LPP: variants seen among roughly 807,000 people sequenced by gnomAD.
LPP encodes the protein lipoma-preferred partner.
A neutral mutation model predicts 60.4 loss-of-function variants in LPP; 38 were observed. The observed-to-expected ratio is 0.63, with a 90% confidence interval of 0.49 to 0.83. The LOEUF (loss-of-function observed/expected upper bound fraction) is 0.83, where lower values mean the gene tolerates loss of function less well. LPP is among the 40% of genes least tolerant of loss of function. LPP has a pLI of 0.00. For synonymous variants in LPP, 328 were observed against 290.8 expected (o/e 1.13, Z -1.30); for missense variants, 902 against 783.6 (o/e 1.15, Z -1.80).
At chr3:188,397,135 CT>C (rs1781141711) in intron 3 of LPP, among the ~76,000 whole-genome samples, 1 of 152,176 alleles carries the variant, frequency 6.6e-6, no homozygotes, top group Non-Finnish European at 1.5e-5. Context: ...CCTACCCCAT[CT>C]AGTTATAATC....
intron 1 of LPP, among the ~76,000 whole-genome samples, chr3:188,203,681 A>G (rs1000706091): frequency 2.6e-4 from 37 of 144,144 alleles, no homozygotes; most frequent in African/African-American, 8.8e-4. Flanking sequence ...AGATCTCGCT[A>G]TGTTGCCCAG....
At chr3:188,689,917 A>AT (rs35411155) in intron 7 of LPP, among the ~76,000 whole-genome samples, 57,719 of 147,574 alleles carry the variant, frequency 0.39, 11,304 homozygotes, top group Non-Finnish European at 0.45. Context: ...TTCTGAGCTC[A>AT]TTTTTTTTTT....
intron 9 of LPP, among the ~76,000 whole-genome samples, chr3:188,797,628 A>C (rs1745770311): frequency 6.6e-6 from 1 of 152,018 alleles, no homozygotes; most frequent in African/African-American, 2.4e-5. Context: ...CCTGCATTGA[A>C]ATGCCTTTCC....
chr3:188,566,685 C>A (rs555328855), intron 6 of LPP, among the ~76,000 whole-genome samples: 2 of 151,962 alleles, frequency 1.3e-5, no homozygotes, highest in East Asian at 3.9e-4. Context: ...GAGAAGCTAA[C>A]AATCTATGCT....
At position 188,890,162 on chromosome 3, in the gene LPP, G is replaced by A. The variant is rs890647786; in HGVS notation, c.*15683G>A. The A allele has an allele frequency of 4.6e-6, 1 of 217,236 alleles. No homozygotes were observed. The highest frequency in any genetic ancestry group is 9.3e-6 in the Non-Finnish European group (1 of 108,062). 13.5% of individuals were successfully genotyped at this position (217,236 alleles called of 1,614,324 possible). Reference sequence around the variant, plus strand: ...GCCGGGTTTTCTCTATGCTAAATGTGTCTACTAAGAGCAGCACTTCCTACT... The same window carrying A: ...GCCGGGTTTTCTCTATGCTAAATGTATCTACTAAGAGCAGCACTTCCTACT... On this transcript the variant is annotated 3_prime_UTR_variant, in exon 12 of 12. Coordinates refer to ENST00000617246, the MANE Select transcript of LPP (RefSeq NM_001375462.1).
chr3:188,547,790 T>C (rs1827054390), intron 6 of LPP, among the ~76,000 whole-genome samples: 1 of 152,204 alleles, frequency 6.6e-6, no homozygotes, highest in Admixed American at 6.5e-5. Context: ...CTGGGGACTC[T>C]GTTCAAGTGA....
At chr3:188,318,367 T>C (rs1011706300) in intron 2 of LPP, among the ~76,000 whole-genome samples, 1 of 151,256 alleles carries the variant, frequency 6.6e-6, no homozygotes, top group African/African-American at 2.4e-5. Context: ...TGACACTCAG[T>C]ACCTTTGTTG....
intron 6 of LPP, among the ~76,000 whole-genome samples, chr3:188,569,642 AT>A (rs1833053906): frequency 6.6e-6 from 1 of 151,820 alleles, no homozygotes; most frequent in Admixed American, 6.6e-5. Flanking sequence ...CATTTCTCCC[AT>A]TTTTCAGCAG....
intron 9 of LPP, among the ~76,000 whole-genome samples, chr3:188,783,844 A>T (rs1193477314): frequency 9.0e-6 from 1 of 111,446 alleles, no homozygotes; most frequent in Non-Finnish European, 1.9e-5. Context: ...CCGTGAGTCT[A>T]ATCAGTGTTT....
intron 8 of LPP, among the ~76,000 whole-genome samples, chr3:188,715,386 A>AAC: frequency 1.5e-5 from 2 of 133,138 alleles, no homozygotes; most frequent in African/African-American, 5.0e-5. Context: ...CAAAAAAAAA[A>AAC]AAAAAAAAAA....
chr3:188,720,422 G>A (rs1003515669), intron 8 of LPP, among the ~76,000 whole-genome samples: 1 of 152,058 alleles, frequency 6.6e-6, no homozygotes. Flanking sequence ...TTTCCATCCC[G>A]GTTCAGAGGA....
intron 7 of LPP, among the ~76,000 whole-genome samples, chr3:188,676,892 A>C (rs2149321183): frequency 6.6e-6 from 1 of 152,282 alleles, no homozygotes; most frequent in South Asian, 2.1e-4. Flanking sequence ...TAAGACTGTA[A>C]CATTTGTTCT....
At chr3:188,463,066 T>C (rs372661164) in intron 4 of LPP, among the ~76,000 whole-genome samples, 3 of 152,252 alleles carry the variant, frequency 2.0e-5, no homozygotes, top group South Asian at 2.1e-4. Context: ...GATTGTGCCA[T>C]TGCACTCCTG....
intron 6 of LPP, among the ~76,000 whole-genome samples, chr3:188,601,642 CT>C (rs1230204955): frequency 1.3e-5 from 2 of 152,160 alleles, no homozygotes; most frequent in East Asian, 3.8e-4. Flanking sequence ...TGCCCCTTCC[CT>C]TTTGAATTTC....
chr3:188,423,108 C>T (rs749605942), intron 4 of LPP, among the ~76,000 whole-genome samples: 24 of 151,980 alleles, frequency 1.6e-4, no homozygotes, highest in Non-Finnish European at 3.2e-4. Flanking sequence ...TAGGCCCCCA[C>T]CCCCTGACAG....
intron 6 of LPP, among the ~76,000 whole-genome samples, chr3:188,566,590 C>T (rs1832232395): frequency 6.6e-6 from 1 of 151,828 alleles, no homozygotes; most frequent in African/African-American, 2.4e-5. Flanking sequence ...ACATTCATAC[C>T]AAATCCTTGG....
intron 7 of LPP, among the ~76,000 whole-genome samples, chr3:188,692,594 A>C (rs1005253309): frequency 5.3e-5 from 8 of 152,232 alleles, no homozygotes; most frequent in Non-Finnish European, 1.2e-4. Context: ...ATAGCACATC[A>C]TTAAAACATT....
At chr3:188,363,465 C>T (rs1770123689) in intron 3 of LPP, among the ~76,000 whole-genome samples, 1 of 152,188 alleles carries the variant, frequency 6.6e-6, no homozygotes, top group African/African-American at 2.4e-5. Flanking sequence ...TCACTCTTTC[C>T]CTCTAAAACT....
chr3:188,843,879 C>T (rs1164871575), intron 9 of LPP, among the ~76,000 whole-genome samples: 1 of 151,844 alleles, frequency 6.6e-6, no homozygotes, highest in East Asian at 1.9e-4. Context: ...GTATCCAAAG[C>T]ATTGGATTAC....
Sources: gnomAD v4.1 joint callset for allele counts (sites outside exome capture counted in the v4.1 genomes callset) on GRCh38, gnomAD v4.1.1 for gene constraint, MANE v1.5 for transcripts, NCBI Gene and HGNC (gene_info 2026-07-23, HGNC 2026-07-21) for gene names.